PCED1B: variants seen among roughly 807,000 people sequenced by gnomAD.
The protein encoded by PCED1B is PC-esterase domain containing 1B, also known as PC-esterase domain-containing protein 1B.
For missense variants in PCED1B, 573 were observed against 573.9 expected, an observed-to-expected ratio of 1.00 and a Z score of 0.02; for synonymous variants, 251 against 246.1, an observed-to-expected ratio of 1.02 and a Z score of -0.19.
intron 2 of PCED1B, chr12:47,209,227 C>G (rs1291576415): frequency 6.6e-6 from 1 of 152,186 alleles, no homozygotes; most frequent in Non-Finnish European, 1.5e-5. Context: ...CTCATGGAGA[C>G]AGTAAGAGCT....
intron 2 of PCED1B, among the ~76,000 whole-genome samples, chr12:47,118,570 A>G (rs1939535974): frequency 6.6e-6 from 1 of 152,176 alleles, no homozygotes; most frequent in Non-Finnish European, 1.5e-5. Flanking sequence ...TGGCACCAGT[A>G]CCATGTTGTT....
chr12:47,096,214 T>C (rs369479569), intron 1 of PCED1B, among the ~76,000 whole-genome samples: 3 of 152,286 alleles, frequency 2.0e-5, no homozygotes, highest in East Asian at 3.8e-4. Flanking sequence ...AATCATACTT[T>C]TAGATTTTTT....
intron 3 of PCED1B, among the ~76,000 whole-genome samples, chr12:47,226,788 C>T (rs1316455473): frequency 6.6e-6 from 1 of 152,118 alleles, no homozygotes; most frequent in East Asian, 1.9e-4. Context: ...AATAAGTGTA[C>T]TTATCAAATC....
intron 3 of PCED1B, among the ~76,000 whole-genome samples, chr12:47,222,181 A>C (rs942913490): frequency 2.7e-5 from 4 of 148,826 alleles, no homozygotes; most frequent in Admixed American, 1.3e-4. Flanking sequence ...GCACTTTGGG[A>C]GGCCGAGGAG....
chr12:47,104,516 G>A (rs920478849), intron 2 of PCED1B, among the ~76,000 whole-genome samples: 3 of 152,068 alleles, frequency 2.0e-5, no homozygotes, highest in Admixed American at 6.5e-5. Context: ...TATCACCCAG[G>A]CAAGTCACCT....
chr12:47,200,156 C>G (rs760639289), intron 2 of PCED1B, among the ~76,000 whole-genome samples: 2 of 151,694 alleles, frequency 1.3e-5, no homozygotes, highest in African/African-American at 2.4e-5. Context: ...GTTCACACCA[C>G]TGCACTCCAG....
intron 2 of PCED1B, among the ~76,000 whole-genome samples, chr12:47,130,844 T>G (rs552481124): frequency 1.3e-5 from 2 of 152,324 alleles, no homozygotes; most frequent in East Asian, 3.9e-4. Context: ...ATGTTATTAG[T>G]GCTGTTATGT....
At chr12:47,144,258 C>T (rs1354561974) in intron 2 of PCED1B, among the ~76,000 whole-genome samples, 1 of 152,134 alleles carries the variant, frequency 6.6e-6, no homozygotes, top group Non-Finnish European at 1.5e-5. Flanking sequence ...ATCTAGGAGG[C>T]TCTGGATAGT....
At chr12:47,233,736 G>C (rs1943882766) in intron 3 of PCED1B, among the ~76,000 whole-genome samples, 2 of 152,166 alleles carry the variant, frequency 1.3e-5, no homozygotes, top group Non-Finnish European at 2.9e-5. Context: ...GGGCAGATAA[G>C]AGGAGGGCAG....
intron 2 of PCED1B, among the ~76,000 whole-genome samples, chr12:47,114,718 G>T (rs1278327662): frequency 6.6e-6 from 1 of 152,214 alleles, no homozygotes; most frequent in Admixed American, 6.5e-5. Flanking sequence ...CAGGAATGAA[G>T]GTCCCCAACA....
At chr12:47,228,196 A>T (rs1482537771) in intron 3 of PCED1B, among the ~76,000 whole-genome samples, 1 of 151,888 alleles carries the variant, frequency 6.6e-6, no homozygotes, top group Admixed American at 6.6e-5. Flanking sequence ...CACTACACCC[A>T]GCTAATTTTT....
chr12:47,085,816 TA>T, intron 1 of PCED1B, among the ~76,000 whole-genome samples: 1 of 152,334 alleles, frequency 6.6e-6, no homozygotes, highest in South Asian at 2.1e-4. Flanking sequence ...GAAAACTTAA[TA>T]GTTTTTAAAG....
At chr12:47,099,593 G>C in intron 1 of PCED1B, among the ~76,000 whole-genome samples, 1 of 152,100 alleles carries the variant, frequency 6.6e-6, no homozygotes. Context: ...CTAATATTCA[G>C]ATAAGACCCC....
chr12:47,227,984 G>A (rs867029293), intron 3 of PCED1B, among the ~76,000 whole-genome samples: 3 of 152,026 alleles, frequency 2.0e-5, no homozygotes, highest in Non-Finnish European at 2.9e-5. Flanking sequence ...GACACTGTGA[G>A]GTTGTCAGTC....
rs147052774 is a variant in PCED1B, at chr12:47,170,574, G to C, written c.-525-45648G>C. 3.8e-3 allele frequency among the ~76,000 whole-genome samples: 577 copies of C among 152,254 alleles called. 4 individuals are homozygous for C. Among genetic ancestry groups the C allele is most frequent in the African/African-American group, 0.011 (451 of 41,560 alleles). ...TCTTTAATTTCATTGGTGGTTTTAA[G>C]CTTAAATTCTGCCCACCTGGTATTA... On this transcript the variant is annotated intron_variant, in intron 2 of 3. Transcript: ENST00000546455.
intron 2 of PCED1B, among the ~76,000 whole-genome samples, chr12:47,122,821 A>G (rs1037302908): frequency 3.3e-5 from 5 of 152,206 alleles, no homozygotes; most frequent in East Asian, 1.9e-4. Context: ...AATCTGTTCA[A>G]TGATTAGATT....
At chr12:47,100,018 T>A (rs1049385065) in intron 1 of PCED1B, among the ~76,000 whole-genome samples, 1 of 152,246 alleles carries the variant, frequency 6.6e-6, no homozygotes, top group Non-Finnish European at 1.5e-5. Context: ...TTTACATACT[T>A]GGAAAAAGGA....
chr12:47,111,572 A>T (rs1187571746), intron 2 of PCED1B, among the ~76,000 whole-genome samples: 1 of 148,450 alleles, frequency 6.7e-6, no homozygotes, highest in African/African-American at 2.6e-5. Context: ...CAAACACATT[A>T]AAAAAAAACC....
At chr12:47,143,151 C>G (rs1333724267) in intron 2 of PCED1B, among the ~76,000 whole-genome samples, 1 of 152,004 alleles carries the variant, frequency 6.6e-6, no homozygotes, top group African/African-American at 2.4e-5. Flanking sequence ...AGATCAGGAA[C>G]AAGGCAAGGA....
Sources: gnomAD v4.1 joint callset for allele counts (sites outside exome capture counted in the v4.1 genomes callset) on GRCh38, gnomAD v4.1.1 for gene constraint, MANE v1.5 for transcripts, NCBI Gene and HGNC (gene_info 2026-07-23, HGNC 2026-07-21) for gene names.